The following EXOC4 variants were observed in gnomAD, a reference collection of about 807,000 sequenced individuals.
EXOC4 encodes the protein exocyst complex component 4.
A neutral mutation model predicts 107.2 loss-of-function variants in EXOC4; 71 were observed. The observed-to-expected ratio is 0.66, with a 90% confidence interval of 0.55 to 0.81. EXOC4 has a LOEUF of 0.81. EXOC4 is among the 30% of genes least tolerant of loss of function. The pLI is 0.00. For missense variants in EXOC4, 1,108 were observed against 1,189.6 expected, an observed-to-expected ratio of 0.93 and a Z score of 1.01; for synonymous variants, 456 against 441.2, an observed-to-expected ratio of 1.03 and a Z score of -0.42.
intron 10 of EXOC4, among the ~76,000 whole-genome samples, chr7:133,803,418 C>G (rs1375033859): frequency 6.6e-6 from 1 of 152,152 alleles, no homozygotes; most frequent in Non-Finnish European, 1.5e-5. Flanking sequence ...GCATATTCAG[C>G]TGAGTATAAC....
chr7:133,273,031 A>G (rs1162351272), intron 1 of EXOC4, among the ~76,000 whole-genome samples: 4 of 152,222 alleles, frequency 2.6e-5, no homozygotes, highest in Non-Finnish European at 5.9e-5. Flanking sequence ...GATCTAGTGT[A>G]GCTTTGACAA....
At chr7:134,078,362 G>T in the EXOC4 span, among the ~76,000 whole-genome samples, 3 of 151,568 alleles carry the variant, frequency 2.0e-5, no homozygotes, top group South Asian at 2.1e-4. Flanking sequence ...TTATAAATCT[G>T]CTGTCTATAA....
chr7:133,884,291 A>G (rs1799030099), intron 11 of EXOC4, among the ~76,000 whole-genome samples: 1 of 152,212 alleles, frequency 6.6e-6, no homozygotes, highest in Non-Finnish European at 1.5e-5. Flanking sequence ...GCAACCACCT[A>G]CAAACATCAT....
At chr7:133,980,666 T>A (rs1793959859) in intron 14 of EXOC4, among the ~76,000 whole-genome samples, 1 of 152,246 alleles carries the variant, frequency 6.6e-6, no homozygotes, top group Non-Finnish European at 1.5e-5. Context: ...TTTGAAGTAA[T>A]ATCCTGAAAT....
chr7:133,404,249 G>A (rs945073350), intron 7 of EXOC4, among the ~76,000 whole-genome samples: 10 of 152,050 alleles, frequency 6.6e-5, no homozygotes, highest in African/African-American at 1.4e-4. Flanking sequence ...ACAGGCGCCC[G>A]CCACTACGCC....
intron 17 of EXOC4, among the ~76,000 whole-genome samples, chr7:134,056,217 A>G (rs1795919583): frequency 6.6e-6 from 1 of 152,194 alleles, no homozygotes; most frequent in Non-Finnish European, 1.5e-5. Context: ...CTCTAAAGTG[A>G]TATTTGATGA....
chr7:133,701,502 A>G (rs1794655210), intron 10 of EXOC4, among the ~76,000 whole-genome samples: 1 of 152,178 alleles, frequency 6.6e-6, no homozygotes, highest in Non-Finnish European at 1.5e-5. Flanking sequence ...AAGACATTCC[A>G]GGGCCTCCAA....
At chr7:133,623,078 A>C (rs1802371902) in intron 9 of EXOC4, among the ~76,000 whole-genome samples, 1 of 152,204 alleles carries the variant, frequency 6.6e-6, no homozygotes, top group African/African-American at 2.4e-5. Context: ...AGGATTCAGC[A>C]AAGTGCCAGT....
At chr7:133,707,170 T>C (rs1427025650) in intron 10 of EXOC4, among the ~76,000 whole-genome samples, 1 of 152,128 alleles carries the variant, frequency 6.6e-6, no homozygotes, top group Non-Finnish European at 1.5e-5. Flanking sequence ...TTGAAGGATC[T>C]GTATTGAAGC....
intron 9 of EXOC4, among the ~76,000 whole-genome samples, chr7:133,585,497 C>T (rs1346665889): frequency 6.6e-6 from 1 of 151,944 alleles, no homozygotes; most frequent in Non-Finnish European, 1.5e-5. Context: ...GGTGGTGGCG[C>T]ACACCTGTGG....
At chr7:133,487,428 G>A (rs139231596) in intron 9 of EXOC4, among the ~76,000 whole-genome samples, 3 of 152,204 alleles carry the variant, frequency 2.0e-5, no homozygotes, top group African/African-American at 7.2e-5. Flanking sequence ...CAAATTTATG[G>A]CTGCGCATGG....
intron 9 of EXOC4, among the ~76,000 whole-genome samples, chr7:133,564,446 A>T (rs1251074761): frequency 6.6e-6 from 1 of 152,178 alleles, no homozygotes; most frequent in Non-Finnish European, 1.5e-5. Flanking sequence ...AAATTTTTCT[A>T]CATGAGAGCT....
intron 9 of EXOC4, among the ~76,000 whole-genome samples, chr7:133,603,779 A>G (rs905717848): frequency 2.6e-5 from 4 of 152,202 alleles, no homozygotes; most frequent in Non-Finnish European, 4.4e-5. Flanking sequence ...GGGCATTACT[A>G]TATTCTACTG....
chr7:133,529,835 G>A (rs147124591), intron 9 of EXOC4, among the ~76,000 whole-genome samples: 71 of 152,122 alleles, frequency 4.7e-4, no homozygotes, highest in African/African-American at 1.6e-3. Flanking sequence ...TTTTCTATTC[G>A]GAGAGTTATT....
chr7:133,602,139 T>C (rs1229718888), intron 9 of EXOC4: 3 of 152,236 alleles, frequency 2.0e-5, no homozygotes, highest in Non-Finnish European at 1.5e-5. Flanking sequence ...GTATGTGATA[T>C]CATAAACAAA....
chr7:134,069,049 C>G (rs1055090941), downstream of EXOC4, among the ~76,000 whole-genome samples: 1 of 152,086 alleles, frequency 6.6e-6, no homozygotes, highest in Non-Finnish European at 1.5e-5. Context: ...TTTCCCCTCT[C>G]GATTCTCTGT....
intron 10 of EXOC4, among the ~76,000 whole-genome samples, chr7:133,679,859 T>C (rs1350999559): frequency 6.6e-6 from 1 of 152,214 alleles, no homozygotes; most frequent in African/African-American, 2.4e-5. Flanking sequence ...TGCTCATTTG[T>C]TTATGATTTA....
At chr7:133,997,376 C>T in intron 14 of EXOC4, 116 bp from the exon 15 acceptor site, 1 of 1,076,798 alleles carries the variant, frequency 9.3e-7, no homozygotes, top group Non-Finnish European at 1.4e-6. Context: ...CTAATGCTGC[C>T]AACACTAGTG....
chr7:133,885,427 T>A (rs1015029198), intron 11 of EXOC4, among the ~76,000 whole-genome samples: 1 of 152,176 alleles, frequency 6.6e-6, no homozygotes, highest in African/African-American at 2.4e-5. Flanking sequence ...TTTCACCCTA[T>A]TCTGAATGTG....
Sources: allele counts gnomAD v4.1 joint callset (sites outside exome capture counted in the v4.1 genomes callset), GRCh38; gene constraint gnomAD v4.1.1; transcripts MANE v1.5; gene names NCBI Gene and HGNC (gene_info 2026-07-23, HGNC 2026-07-21).